CADM2: variants seen among roughly 807,000 people sequenced by gnomAD.
CADM2 encodes immunoglobulin superfamily member 4D.
CADM2 carries 12 observed loss-of-function variants against 49.8 expected under a neutral mutation model. The observed-to-expected ratio is 0.24, with a 90% CI of 0.15 to 0.39. The LOEUF is 0.39. Ranked by LOEUF, CADM2 falls within the 10% of genes least tolerant of loss-of-function variation. CADM2 has a pLI of 1.00. For missense variants in CADM2, 378 were observed against 492.3 expected (o/e 0.77, Z 2.20); for synonymous variants, 214 against 175.4 (o/e 1.22, Z -1.74).
At chr3:85,976,212 G>A (rs1726762333) in intron 8 of CADM2, among the ~76,000 whole-genome samples, 1 of 151,532 alleles carries the variant, frequency 6.6e-6, no homozygotes, top group Non-Finnish European at 1.5e-5. Context: ...TTTCCACCCT[G>A]TACCATATTT....
At chr3:85,115,601 A>G (rs1168663777) in intron 1 of CADM2, among the ~76,000 whole-genome samples, 1 of 152,208 alleles carries the variant, frequency 6.6e-6, no homozygotes, top group African/African-American at 2.4e-5. Context: ...TGAACAGGTG[A>G]TTTAACCTTT....
intron 8 of CADM2, among the ~76,000 whole-genome samples, chr3:85,984,223 T>C (rs1352634137): frequency 6.6e-6 from 1 of 150,834 alleles, no homozygotes; most frequent in Non-Finnish European, 1.5e-5. Flanking sequence ...TGTTACTTTT[T>C]TAGGTCATTG....
At chr3:85,106,304 T>C (rs1370244973) in intron 1 of CADM2, among the ~76,000 whole-genome samples, 2 of 152,094 alleles carry the variant, frequency 1.3e-5, no homozygotes, top group African/African-American at 4.8e-5. Context: ...ATGGAGATTT[T>C]TTCCCTTAGG....
intron 1 of CADM2, among the ~76,000 whole-genome samples, chr3:85,154,695 T>C (rs1232597632): frequency 6.7e-6 from 1 of 148,800 alleles, no homozygotes; most frequent in Non-Finnish European, 1.5e-5. Flanking sequence ...GAGAGAAAGG[T>C]CGGGTTACCC....
intron 1 of CADM2, among the ~76,000 whole-genome samples, chr3:85,290,938 G>C (rs1264023088): frequency 6.6e-6 from 1 of 152,242 alleles, no homozygotes; most frequent in African/African-American, 2.4e-5. Context: ...GCTGGATGGA[G>C]AATGACTTTG....
At chr3:85,613,894 T>G (rs1213353261) in intron 1 of CADM2, among the ~76,000 whole-genome samples, 1 of 151,620 alleles carries the variant, frequency 6.6e-6, no homozygotes, top group Non-Finnish European at 1.5e-5. Context: ...TTTTATAAAT[T>G]CACTAAGAAT....
intron 5 of CADM2, among the ~76,000 whole-genome samples, chr3:85,911,270 T>C (rs1417395303): frequency 1.3e-5 from 2 of 152,180 alleles, no homozygotes; most frequent in Non-Finnish European, 1.5e-5. Context: ...AATTGCCCTC[T>C]TCTTATCAGC....
At chr3:85,251,579 C>T (rs1196470478) in intron 1 of CADM2, among the ~76,000 whole-genome samples, 1 of 151,812 alleles carries the variant, frequency 6.6e-6, no homozygotes, top group African/African-American at 2.4e-5. Flanking sequence ...TTTGAAGAGT[C>T]TTAAAGATAA....
At chr3:85,585,105 C>T (rs1249776630) in intron 1 of CADM2, among the ~76,000 whole-genome samples, 2 of 151,952 alleles carry the variant, frequency 1.3e-5, no homozygotes, top group Non-Finnish European at 2.9e-5. Flanking sequence ...GTAATGGAAT[C>T]TCATGCAGTC....
intron 1 of CADM2, among the ~76,000 whole-genome samples, chr3:85,652,767 C>CTTTTTTTTTTTTTTTTTT (rs2065081963): frequency 1.8e-5 from 1 of 56,434 alleles, no homozygotes; most frequent in Non-Finnish European, 3.7e-5. Context: ...ATCTTTTTTT[C>CTTTTTTTTTTTTTTTTTT]TTTTCTTTTT....
At chr3:85,271,572 CT>C (rs1189820925) in intron 1 of CADM2, among the ~76,000 whole-genome samples, 1 of 151,068 alleles carries the variant, frequency 6.6e-6, no homozygotes, top group East Asian at 1.9e-4. Context: ...GGTCATGATG[CT>C]TTATAATGGC....
chr3:84,986,846 GTTCAA>G (rs1165995681), intron 1 of CADM2, among the ~76,000 whole-genome samples: 1 of 151,756 alleles, frequency 6.6e-6, no homozygotes, highest in African/African-American at 2.4e-5. Flanking sequence ...GAGGTTGGGA[GTTCAA>G]GACCACCCTG....
chr3:85,189,581 A>C (rs1372477097), intron 1 of CADM2, among the ~76,000 whole-genome samples: 1 of 152,238 alleles, frequency 6.6e-6, no homozygotes, highest in Non-Finnish European at 1.5e-5. Flanking sequence ...TGTCCTCCAG[A>C]AGCTTAGTAT....
intron 1 of CADM2, among the ~76,000 whole-genome samples, chr3:85,641,027 A>G (rs2064694206): frequency 6.6e-6 from 1 of 152,186 alleles, no homozygotes; most frequent in Admixed American, 6.5e-5. Context: ...TTGGAGCCCT[A>G]AAATCCACTC....
intron 1 of CADM2, among the ~76,000 whole-genome samples, chr3:85,409,510 T>G (rs2035560442): frequency 6.6e-6 from 1 of 152,134 alleles, no homozygotes; most frequent in South Asian, 2.1e-4. Flanking sequence ...TGTGAAGAGC[T>G]TTCTGTGCTA....
At chr3:86,018,238 T>C (rs1732586241) in intron 8 of CADM2, among the ~76,000 whole-genome samples, 3 of 121,282 alleles carry the variant, frequency 2.5e-5, no homozygotes, top group African/African-American at 9.6e-5. Context: ...TAGTATTCCA[T>C]GGTGTATATG....
intron 2 of CADM2, among the ~76,000 whole-genome samples, chr3:85,750,186 C>G (rs1177635925): frequency 6.6e-6 from 1 of 151,882 alleles, no homozygotes; most frequent in Admixed American, 6.6e-5. Flanking sequence ...TGCATTTTTA[C>G]TTTCAGAAGA....
chr3:85,742,205 T>C (rs1263489060), intron 2 of CADM2, among the ~76,000 whole-genome samples: 2 of 152,230 alleles, frequency 1.3e-5, no homozygotes, highest in Non-Finnish European at 2.9e-5. Flanking sequence ...AATAGCACTG[T>C]GGCAGTCATC....
At chr3:85,544,893 A>T (rs1379271096) in intron 1 of CADM2, among the ~76,000 whole-genome samples, 4 of 152,136 alleles carry the variant, frequency 2.6e-5, no homozygotes, top group Admixed American at 2.0e-4. Context: ...AGAAAGGAAG[A>T]GAAAAAATAG....
Sources: gnomAD v4.1 joint callset for allele counts (sites outside exome capture counted in the v4.1 genomes callset) on GRCh38, gnomAD v4.1.1 for gene constraint, MANE v1.5 for transcripts, NCBI Gene and HGNC (gene_info 2026-07-23, HGNC 2026-07-21) for gene names.